The following DAAM1 variants were observed in gnomAD, a reference collection of about 807,000 sequenced individuals.
DAAM1 encodes disheveled-associated activator of morphogenesis 1.
A neutral mutation model predicts 130.0 loss-of-function variants in DAAM1; 52 were observed. The observed-to-expected ratio is 0.40, with a 90% CI of 0.32 to 0.50. DAAM1 has a LOEUF of 0.50. DAAM1 is among the 20% of genes least tolerant of loss of function. The pLI is 0.61. For missense variants in DAAM1, 1,134 were observed against 1,303.8 expected (o/e 0.87, Z 2.01); for synonymous variants, 452 against 444.5 (o/e 1.02, Z -0.21).
chr14:59,203,158 ATTTTTTTTTTTT>A (rs57437992), intron 1 of DAAM1, among the ~76,000 whole-genome samples: 2 of 108,114 alleles, frequency 1.8e-5, no homozygotes, highest in Non-Finnish European at 3.7e-5. Flanking sequence ...CTTCTGGCTA[ATTTTTTTTTTTT>A]TTTTTTTTTT....
intron 1 of DAAM1, among the ~76,000 whole-genome samples, chr14:59,262,267 GC>G (rs1230320556): frequency 1.3e-5 from 2 of 152,094 alleles, no homozygotes; most frequent in African/African-American, 4.8e-5. Flanking sequence ...TACATGTATG[GC>G]TTTTTGTATG....
At chr14:59,246,341 C>A (rs1240334680) in intron 1 of DAAM1, among the ~76,000 whole-genome samples, 2 of 152,148 alleles carry the variant, frequency 1.3e-5, no homozygotes, top group African/African-American at 4.8e-5. Context: ...TTATTTCACT[C>A]AGCATAATGT....
intron 3 of DAAM1, among the ~76,000 whole-genome samples, chr14:59,314,926 A>G (rs2295849): frequency 0.31 from 47,729 of 152,080 alleles, 8,880 homozygotes; most frequent in East Asian, 0.56. Context: ...TCCTTCTCTC[A>G]TGGATTCCAT....
chr14:59,244,422 A>G (rs1269360596), intron 1 of DAAM1, among the ~76,000 whole-genome samples: 4 of 152,158 alleles, frequency 2.6e-5, no homozygotes, highest in African/African-American at 7.2e-5. Context: ...CTTTTCTCAC[A>G]TAGCTCCTGG....
chr14:59,264,714 G>A (rs1321361882), intron 2 of DAAM1: 1 of 151,374 alleles, frequency 6.6e-6, no homozygotes, highest in East Asian at 1.9e-4. Context: ...TTACATAAGT[G>A]AACATGTGCC....
chr14:59,348,218 G>T (rs561814230), intron 17 of DAAM1, among the ~76,000 whole-genome samples: 36 of 152,284 alleles, frequency 2.4e-4, no homozygotes, highest in Admixed American at 2.2e-3. Flanking sequence ...TAGCAAGAAT[G>T]GGATTTACAC....
At chr14:59,203,719 G>A (rs1056479885) in intron 1 of DAAM1, among the ~76,000 whole-genome samples, 3 of 152,206 alleles carry the variant, frequency 2.0e-5, no homozygotes, top group Non-Finnish European at 4.4e-5. Context: ...AGGATAAAAA[G>A]CTTTCTTATA....
chr14:59,330,801 T>C, intron 13 of DAAM1, 113 bp downstream of exon 13: 1 of 1,104,466 alleles, frequency 9.1e-7, no homozygotes, highest in Non-Finnish European at 1.3e-6. Flanking sequence ...AAATGGCTCA[T>C]GATTCATCAC....
At chr14:59,210,400 C>T (rs1390733991) in intron 1 of DAAM1, among the ~76,000 whole-genome samples, 5 of 152,048 alleles carry the variant, frequency 3.3e-5, no homozygotes, top group Non-Finnish European at 7.4e-5. Context: ...GGCCTGTTTG[C>T]GAATTTATCT....
At chr14:59,318,576 G>A (rs1026931343) in intron 4 of DAAM1, among the ~76,000 whole-genome samples, 2 of 151,378 alleles carry the variant, frequency 1.3e-5, no homozygotes, top group African/African-American at 4.9e-5. Context: ...TCCTAAATGT[G>A]AGGCTTGAAA....
intron 1 of DAAM1, among the ~76,000 whole-genome samples, chr14:59,241,922 A>G (rs1047107207): frequency 1.3e-5 from 2 of 152,156 alleles, no homozygotes; most frequent in South Asian, 2.1e-4. Flanking sequence ...CTTCCTCAAA[A>G]TTTGTTGTTA....
chr14:59,203,525 A>G (rs917432327), intron 1 of DAAM1, among the ~76,000 whole-genome samples: 3 of 152,180 alleles, frequency 2.0e-5, no homozygotes, highest in African/African-American at 4.8e-5. Context: ...TGTTATCTTC[A>G]TGTACATCTC....
intron 1 of DAAM1, among the ~76,000 whole-genome samples, chr14:59,201,671 T>G (rs546198080): frequency 6.6e-6 from 1 of 152,074 alleles, no homozygotes; most frequent in East Asian, 1.9e-4. Context: ...GTGGTACACA[T>G]CTGTAGTCTC....
Position 59,340,129 on chromosome 14 carries a change from T to C in DAAM1, c.2024T>C (p.Leu675Pro), listed in dbSNP as rs760156272. The change falls in exon 16 of 25, where the codon CTT (leucine) becomes CCT (proline). Residue 675 changes from leucine (L) to proline (P), a missense_variant. Around this residue, in one of 3 missense-constraint regions of DAAM1, gnomAD observed 644 missense variants for 695.9 expected, o/e 0.93. Coordinates refer to ENST00000360909, the MANE Select transcript of DAAM1 (RefSeq NM_001270520.2). ...AGTTCCAAACTTAAAGTTAAAGAGC[T>C]TTCGGTGATTGATGGTCGGAGAGCT... ...TLSSKLKVKE[L>P]SVIDGRRAQN... is the part of the protein sequence containing the mutation. The C allele has an allele frequency of 6.2e-7, 1 of 1,613,646 alleles. No individual in the cohort carries two copies. The highest frequency in any genetic ancestry group is 8.5e-7 in the Non-Finnish European group (1 of 1,179,666).
At chr14:59,225,019 GTTTTTTTTTTTTT>G (rs869233694) in intron 1 of DAAM1, among the ~76,000 whole-genome samples, 7 of 90,784 alleles carry the variant, frequency 7.7e-5, no homozygotes, top group African/African-American at 1.9e-4. Flanking sequence ...ATCTGTGTGG[GTTTTTTTTTTTTT>G]TTTTTTTTTT....
chr14:59,242,275 C>G (rs1419032996), intron 1 of DAAM1, among the ~76,000 whole-genome samples: 1 of 152,134 alleles, frequency 6.6e-6, no homozygotes, highest in African/African-American at 2.4e-5. Context: ...TATAATCTCT[C>G]TAAAGGCAAG....
intron 1 of DAAM1, among the ~76,000 whole-genome samples, chr14:59,237,599 T>C (rs1889342379): frequency 6.6e-6 from 1 of 152,222 alleles, no homozygotes; most frequent in African/African-American, 2.4e-5. Flanking sequence ...TTTACGCTAT[T>C]GGGCCTACAT....
At chr14:59,325,573 C>T (rs1055735204) in intron 8 of DAAM1, 91 bp from the exon 9 acceptor site, 3 of 1,111,834 alleles carry the variant, frequency 2.7e-6, no homozygotes, top group Admixed American at 4.8e-5. Flanking sequence ...TCTGAAAAGT[C>T]AGGAAAAACC....
At position 59,331,821 on chromosome 14, in the gene DAAM1, G is replaced by A. The variant is rs754646545; in HGVS notation, c.1869G>A (p.Leu623=). 5.8e-5 allele frequency: 94 copies of A among 1,613,340 alleles called. 1 individual carries two copies. The Admixed American group carries it at 1.5e-3, about 26-fold the overall frequency. Residue 623 remains leucine (L), a synonymous_variant, in exon 15 of 25, where the codon CTG becomes CTA. Transcript: ENST00000360909. ...FNWSKLPENK[L]EGTVWTEIDD... ...TACATTGATGTTTCTAGAACAAACT[G>A]GAAGGAACAGTATGGACCGAAATTG...
Sources: gnomAD v4.1 joint callset for allele counts (sites outside exome capture counted in the v4.1 genomes callset) on GRCh38, gnomAD v4.1.1 for gene constraint, gnomAD v4.1.1 regional missense constraint, MANE v1.5 for transcripts, NCBI Gene and HGNC (gene_info 2026-07-23, HGNC 2026-07-21) for gene names.